Variants in CAMK2G observed in about 807,000 individuals in gnomAD.
CAMK2G encodes calcium/calmodulin-dependent protein kinase type II subunit gamma.
Under a neutral mutation model 88.7 loss-of-function variants are expected in CAMK2G, and 23 were observed. That is an observed-to-expected ratio of 0.26 (90% CI 0.19 to 0.37). CAMK2G has a LOEUF of 0.37. Among genes scored for constraint, CAMK2G ranks in the 10% least tolerant of loss-of-function variants. The probability of loss-of-function intolerance (pLI) is 1.00; values close to 1 mark genes in which losing one functional copy is unlikely to be tolerated. For synonymous variants in CAMK2G, 263 were observed against 294.8 expected (o/e 0.89, Z 1.11); for missense variants, 476 against 780.8 (o/e 0.61, Z 4.65).
At chr10:73,852,357 G>A in intron 4 of CAMK2G, 38 bp from the exon 5 acceptor site, 1 of 1,578,024 alleles carries the variant, frequency 6.3e-7, no homozygotes, top group Non-Finnish European at 8.7e-7. Flanking sequence ...GAGGCAGAAA[G>A]GGTCCTTTGT....
At position 73,815,241 on chromosome 10, in the gene CAMK2G, G is replaced by A; in HGVS notation, c.1541C>T (p.Ser514Phe). The A allele has an allele frequency of 4.3e-6, 7 of 1,612,196 alleles. No individual in the cohort carries two copies. Among genetic ancestry groups the A allele is most frequent in the Non-Finnish European group, 5.9e-6 (7 of 1,178,262 alleles). The change falls in exon 22 of 23, where the codon TCC becomes TTC. Residue 514 changes from serine (S) to phenylalanine (F), a missense_variant. Around this residue, in one of 3 missense-constraint regions of CAMK2G, gnomAD observed 278 missense variants for 366.5 expected, o/e 0.76. Coordinates refer to ENST00000423381, the MANE Select transcript of CAMK2G (RefSeq NM_001367534.1). The stretch of plus-strand genomic sequence containing the variant: ...GGTATGGATAGGCTTGCTGTTCTTG[G>A]ACAGGACTGCAGGGCAGGGTGGGGT... ...FHKFYFENLL[S>F]KNSKPIHTTI...
rs567680310 is a variant in CAMK2G at position 73,851,019 on chromosome 10, A to T, written c.341+1235T>A. On this transcript the variant is annotated intron_variant, in intron 5 of 22. Transcript: ENST00000423381. ...CCCTATAGCTCTCCCTCCTCCCCGC[A>T]GGCTCCCTGAGCCATCACTGCCTCC... Among the ~76,000 whole-genome samples the T allele has an allele frequency of 7.3e-4, 111 of 151,212 alleles. 1 individual carries two copies. The highest frequency in any genetic ancestry group is 2.6e-3 in the African/African-American group (108 of 41,082).
In CAMK2G at chr10:73,839,185, T is replaced by C. The variant is rs1230748920; in HGVS notation, c.1009+354A>G. On this transcript the variant is annotated intron_variant, in intron 13 of 22. Coordinates refer to ENST00000423381, the MANE Select transcript of CAMK2G (RefSeq NM_001367534.1). This position sits in a 1 kb window ranked among gnomAD's most constrained non-coding sequence, Gnocchi z 4.2. The stretch of plus-strand genomic sequence containing the variant: ...GGTCTTAAACAGTGCTGCGGAAATC[T>C]AGTCCTAGCACCGGGCAGCTCAGGG... 1.3e-5 allele frequency among the ~76,000 whole-genome samples: 2 copies of C among 152,204 alleles called. No homozygotes were observed. The highest frequency in any genetic ancestry group is 2.9e-5 in the Non-Finnish European group (2 of 68,024).
In CAMK2G at chr10:73,842,358, G is replaced by T; in HGVS notation, c.903+100C>A. 1 of 1,173,424 alleles carries T rather than the reference G, an allele frequency of 8.5e-7. No homozygotes were observed. Among genetic ancestry groups the T allele is most frequent in the Non-Finnish European group, 1.3e-6 (1 of 779,660 alleles). The allele number at this position is 1,173,424 out of a possible 1,614,324, so 72.7% of individuals were successfully genotyped here. On this transcript the variant is annotated intron_variant, in intron 11 of 22. Coordinates refer to ENST00000423381, the MANE Select transcript of CAMK2G (RefSeq NM_001367534.1). This position sits in a 1 kb window ranked among gnomAD's most constrained non-coding sequence, Gnocchi z 4.6. ...TGACATGTACAACCTTCAGAGCCCA[G>T]CTCCAGCCAGGAGGGGAGCTTCCTT... is the stretch of plus-strand genomic sequence containing the variant.
At chr10:73,858,815 C>T (rs186780660) in intron 3 of CAMK2G, among the ~76,000 whole-genome samples, 1 of 152,272 alleles carries the variant, frequency 6.6e-6, no homozygotes, top group Admixed American at 6.5e-5. Context: ...AAAAAGACAC[C>T]TAGGGCTTTT....
chr10:73,851,280 G>C (rs982110515), intron 5 of CAMK2G, among the ~76,000 whole-genome samples: 2 of 152,252 alleles, frequency 1.3e-5, no homozygotes, highest in East Asian at 3.9e-4. Flanking sequence ...TCACCCTCGA[G>C]AAAAGCAAGG....
rs181205299 is a variant in CAMK2G, at chr10:73,839,823, C to T, written c.947-222G>A. ...CTGGGCCAGGGCATAGGGAACACTGCGTCCCCACCAGATGGAGAGGGCTGC... is the reference window on the plus strand; with the variant it reads ...CTGGGCCAGGGCATAGGGAACACTGTGTCCCCACCAGATGGAGAGGGCTGC... On this transcript the variant is annotated intron_variant, in intron 12 of 22. Transcript: ENST00000423381. The surrounding 1 kb of genome is among the most constrained non-coding windows in gnomAD (Gnocchi z 4.2). Among the ~76,000 whole-genome samples the T allele has an allele frequency of 3.9e-5, 6 of 152,170 alleles. No individual in the cohort carries two copies. The highest frequency in any genetic ancestry group is 2.1e-4 in the South Asian group (1 of 4,834).
chr10:73,865,611 A>G (rs1251227981), intron 2 of CAMK2G, among the ~76,000 whole-genome samples: 1 of 152,110 alleles, frequency 6.6e-6, no homozygotes, highest in Non-Finnish European at 1.5e-5. Flanking sequence ...TCCAGGATGG[A>G]GTAGTGGTTT....
At chr10:73,818,673 G>A (rs556623933) in intron 19 of CAMK2G, 2 of 454,588 alleles carry the variant, frequency 4.4e-6, no homozygotes, top group East Asian at 6.9e-5. Context: ...ACAGCTCCAG[G>A]TGAGCAAGCA....
chr10:73,858,620 G>T (rs914355671), intron 3 of CAMK2G, among the ~76,000 whole-genome samples: 1 of 152,184 alleles, frequency 6.6e-6, no homozygotes, highest in East Asian at 1.9e-4. Flanking sequence ...TGGAAGCACA[G>T]TTCTAGGAAA....
intron 10 of CAMK2G, among the ~76,000 whole-genome samples, chr10:73,845,993 C>T (rs932993367): frequency 1.8e-4 from 27 of 150,870 alleles, no homozygotes; most frequent in Non-Finnish European, 2.9e-4. Context: ...AATCATAGCT[C>T]GCTGCAGCCT....
Position 73,848,657 on chromosome 10 carries a change from C to T in CAMK2G, c.518-48G>A, listed in dbSNP as rs776599873. On this transcript the variant is annotated intron_variant, in intron 7 of 22. Transcript: ENST00000423381. This position sits in a 1 kb window ranked among gnomAD's most constrained non-coding sequence, Gnocchi z 4.5. Reference sequence around the variant, plus strand: ...GGCATACTGAACCCACTTTCTCTCTCGTTAAATCCACACCAGCCATTTCCC... The same window carrying T: ...GGCATACTGAACCCACTTTCTCTCTTGTTAAATCCACACCAGCCATTTCCC... 5 of 1,082,442 alleles carry T rather than the reference C, an allele frequency of 4.6e-6. No individual in the cohort carries two copies. The highest frequency in any genetic ancestry group is 2.0e-5 in the Admixed American group (1 of 48,798). 67.1% of individuals were successfully genotyped at this position (1,082,442 alleles called of 1,614,324 possible). A position where few individuals can be genotyped will look rare whatever the true frequency, so the allele number is the denominator to read the frequency against.
Position 73,842,273 on chromosome 10 carries a change from A to G in CAMK2G, c.904-62T>C. The G allele has an allele frequency of 7.2e-7, 1 of 1,385,666 alleles. No individual in the cohort carries two copies. The highest frequency in any genetic ancestry group is 2.3e-5 in the East Asian group (1 of 43,908). The allele number at this position is 1,385,666 out of a possible 1,614,324, so 85.8% of individuals were successfully genotyped here. A position where few individuals can be genotyped will look rare whatever the true frequency, so the allele number is the denominator to read the frequency against. On this transcript the variant is annotated intron_variant, in intron 11 of 22. Transcript: ENST00000423381. This position sits in a 1 kb window ranked among gnomAD's most constrained non-coding sequence, Gnocchi z 4.6. ...CCCTAGAAAAGGGCAGGCTGGTCTC[A>G]GGCAAAGGCAGGTCCTGGCTAGAGC...
chr10:73,849,267 G>A lies in CAMK2G; in HGVS notation c.408C>T (p.Asp136=), dbSNP rs1186061068. ...HIHQHDIVHR[D]LKPENLLLAS... ...AGGGGAGCCTGGGTAGTACCTTCAG[G>A]TCCCTGTGGACGATGTCATGCTGGT... The change falls in exon 6 of 23, where the codon GAC becomes GAT. Residue 136 remains aspartate (D), a synonymous_variant. Coordinates refer to ENST00000423381, the MANE Select transcript of CAMK2G (RefSeq NM_001367534.1). 5.6e-6 allele frequency: 9 copies of A among 1,612,786 alleles called. No homozygotes were observed. Among genetic ancestry groups the A allele is most frequent in the Admixed American group, 1.7e-5 (1 of 59,976 alleles).
chr10:73,838,730 T>C (rs1191061455), intron 13 of CAMK2G, among the ~76,000 whole-genome samples: 2 of 152,224 alleles, frequency 1.3e-5, no homozygotes, highest in East Asian at 3.8e-4. Flanking sequence ...CTCCTGTGCC[T>C]GACCGCCTAC....
intron 17 of CAMK2G, among the ~76,000 whole-genome samples, chr10:73,822,420 G>T (rs564681174): frequency 2.3e-3 from 348 of 152,238 alleles, no homozygotes; most frequent in Non-Finnish European, 4.0e-3. Context: ...CACTCGCCTC[G>T]GCCTTCCAAA....
At chr10:73,843,208 C>A (rs2093948928) in intron 10 of CAMK2G, among the ~76,000 whole-genome samples, 2 of 152,000 alleles carry the variant, frequency 1.3e-5, no homozygotes, top group African/African-American at 4.8e-5. Context: ...GGACTACAGG[C>A]ACATCCCACC....
chr10:73,868,224 C>G (rs1235813908), intron 2 of CAMK2G, among the ~76,000 whole-genome samples: 1 of 152,182 alleles, frequency 6.6e-6, no homozygotes, highest in East Asian at 1.9e-4. Flanking sequence ...AGGGTTTCAG[C>G]ACAGCTTCGA....
At chr10:73,816,453 G>A (rs912685756) in intron 21 of CAMK2G, 3 of 1,096,494 alleles carry the variant, frequency 2.7e-6, no homozygotes, top group Middle Eastern at 4.3e-4. Context: ...AAGAGGTGAG[G>A]CTTAAATAAT....
Sources: allele counts gnomAD v4.1 joint callset (sites outside exome capture counted in the v4.1 genomes callset), GRCh38; gene constraint gnomAD v4.1.1; regional missense constraint gnomAD v4.1.1; non-coding constraint Gnocchi (gnomAD v3.1); transcripts MANE v1.5; gene names NCBI Gene and HGNC (gene_info 2026-07-23, HGNC 2026-07-21).